The following INTS10 variants were observed in gnomAD, a reference collection of about 807,000 sequenced individuals.
INTS10 encodes the protein chromosome 8 open reading frame 35.
Under a neutral mutation model 94.4 loss-of-function variants are expected in INTS10, and 44 were observed. The ratio of observed to expected loss-of-function variants is 0.47; its 90% CI spans 0.37 to 0.60. The LOEUF (loss-of-function observed/expected upper bound fraction) is 0.60, where lower values mean the gene tolerates loss of function less well. INTS10 is among the 20% of genes least tolerant of loss of function. The pLI is 0.00. For synonymous variants in INTS10, 341 were observed against 320.7 expected (o/e 1.06, Z -0.68); for missense variants, 797 against 868.7 (o/e 0.92, Z 1.04).
At position 19,819,572 on chromosome 8, in the gene INTS10, G is replaced by GCTT. The variant is rs778738024; in HGVS notation, c.198-1_198insCTT (p.Met66delinsIleLeu). On this transcript the variant is annotated protein_altering_variant and splice_region_variant. Transcript: ENST00000397977. ...ATTTAATGTATTTATTTTAAAAATA[G>GCTT]GTTTGTGAATTTCCCAGACCAGCCG... is the stretch of plus-strand genomic sequence containing the variant. The GCTT allele has an allele frequency of 6.2e-7, 1 of 1,603,400 alleles. No individual in the cohort carries two copies. Among genetic ancestry groups the GCTT allele is most frequent in the South Asian group, 1.1e-5 (1 of 90,174 alleles).
chr8:19,838,025 A>G lies in INTS10; in HGVS notation c.1639+865A>G, dbSNP rs537649206. Among the ~76,000 whole-genome samples the G allele has an allele frequency of 9.2e-5, 14 of 152,218 alleles. 1 individual carries two copies. The highest frequency in any genetic ancestry group is 2.9e-5 in the Non-Finnish European group (2 of 68,036). The stretch of plus-strand genomic sequence containing the variant: ...GATGAAATGAAAAAGTTTCTTAAAC[A>G]CAATTTACCAAAATTGACACAAAAA... On this transcript the variant is annotated intron_variant, in intron 13 of 16. Transcript: ENST00000397977.
intron 10 of INTS10, 29 bp from the exon 11 acceptor site, chr8:19,831,999 G>C (rs1469697569): frequency 5.4e-6 from 7 of 1,293,996 alleles, no homozygotes; most frequent in Admixed American, 1.7e-5. Context: ...GCATATATTT[G>C]GTAAATTTGT....
intron 13 of INTS10, 87 bp from the exon 14 acceptor site, chr8:19,842,761 T>C (rs2068232624): frequency 2.6e-6 from 2 of 755,948 alleles, no homozygotes; most frequent in African/African-American, 3.6e-5. Context: ...TTGTTGTTGT[T>C]AATGAAAGCA....
intron 9 of INTS10, among the ~76,000 whole-genome samples, chr8:19,828,398 G>C (rs7017697): frequency 6.6e-6 from 1 of 151,938 alleles, no homozygotes; most frequent in Non-Finnish European, 1.5e-5. Flanking sequence ...GTCATAAATG[G>C]CTGGTGCTGG....
intron 10 of INTS10, 52 bp from the exon 11 acceptor site, chr8:19,831,976 C>T: frequency 9.7e-7 from 1 of 1,034,356 alleles, no homozygotes; most frequent in Non-Finnish European, 1.5e-6. Flanking sequence ...AGTTTGTTTT[C>T]TGCTTCTTTG....
chr8:19,834,889 C>G (rs945488657), intron 12 of INTS10, among the ~76,000 whole-genome samples: 2 of 152,062 alleles, frequency 1.3e-5, no homozygotes, highest in African/African-American at 2.4e-5. Context: ...CTGGTGAGGT[C>G]CTGCTTCCCG....
Position 19,830,455 on chromosome 8 carries a change from T to C in INTS10, c.1190T>C (p.Val397Ala), listed in dbSNP as rs2067142516. ...GCGAAAGGAAGAAATCGTCACATTG[T>C]AGTCAATAAAGCCGAACTTGCTAAC... ...CSAKGRNRHI[V>A]VNKAELANST... Residue 397 changes from valine (V) to alanine (A), a missense_variant, in exon 10 of 17, where the codon GTA becomes GCA. Val to Ala is a moderately conservative substitution (Grantham distance 64, BLOSUM62 0). Transcript: ENST00000397977. 6.2e-7 allele frequency: 1 copy of C among 1,614,000 alleles called. No individual in the cohort carries two copies. The highest frequency in any genetic ancestry group is 8.5e-7 in the Non-Finnish European group (1 of 1,179,982).
chr8:19,817,795 C>G, intron 1 of INTS10, 129 bp downstream of exon 1: 1 of 1,156,758 alleles, frequency 8.6e-7, no homozygotes, highest in Admixed American at 2.4e-5. Context: ...GCTTTCTCCC[C>G]TCCCACCCCC....
At chr8:19,822,643 C>T (rs377506731) in intron 5 of INTS10, 123 bp downstream of exon 5, 11 of 529,158 alleles carry the variant, frequency 2.1e-5, no homozygotes, top group East Asian at 1.0e-4. Flanking sequence ...CATTTAAGTT[C>T]TTTTTTTTTT....
At chr8:19,821,531 C>T (rs975273353) in intron 4 of INTS10, 5 of 152,252 alleles carry the variant, frequency 3.3e-5, no homozygotes, top group Non-Finnish European at 5.9e-5. Context: ...TCACTGCATC[C>T]TCTGCCTCCT....
At position 19,845,693 on chromosome 8, in the gene INTS10, C is replaced by A. The variant is rs1283191850; in HGVS notation, c.1883-11C>A. 2 of 1,601,992 alleles carry A rather than the reference C, an allele frequency of 1.2e-6. No homozygotes were observed. The highest frequency in any genetic ancestry group is 3.3e-5 in the Admixed American group (2 of 59,990). ...TTTTTTACATGTGGTTAACCTGAAT[C>A]TGGCCTGCAGATATTGATATGCTGG... On this transcript the variant is annotated splice_polypyrimidine_tract_variant and intron_variant, in intron 15 of 16. Transcript: ENST00000397977.
In INTS10 at chr8:19,846,019, T is replaced by C. The variant is rs918967250; in HGVS notation, c.1976+222T>C. ...TTAAATTGGGGTATTTTTGTCACAT[T>C]TGCAACTTTTTCACTAGACAAAAGT... On this transcript the variant is annotated intron_variant, in intron 16 of 16. Transcript: ENST00000397977. This position sits in a 1 kb window ranked among gnomAD's most constrained non-coding sequence, Gnocchi z 4.2. 2.2e-6 allele frequency: 1 copy of C among 445,526 alleles called. No individual in the cohort carries two copies. Among genetic ancestry groups the C allele is most frequent in the South Asian group, 3.5e-5 (1 of 28,692 alleles). The allele number at this position is 445,526 out of a possible 1,614,324, so 27.6% of individuals were successfully genotyped here. A position where few individuals can be genotyped will look rare whatever the true frequency, so the allele number is the denominator to read the frequency against.
chr8:19,835,849 C>T (rs1384557715), intron 12 of INTS10, among the ~76,000 whole-genome samples: 1 of 152,170 alleles, frequency 6.6e-6, no homozygotes, highest in Admixed American at 6.5e-5. Context: ...GCTGCCAACC[C>T]TGAGCAGCCA....
chr8:19,834,973 C>G (rs952143553), intron 12 of INTS10, among the ~76,000 whole-genome samples: 2 of 152,022 alleles, frequency 1.3e-5, no homozygotes, highest in Non-Finnish European at 2.9e-5. Flanking sequence ...GAGGGTTTTG[C>G]TCTCATCATC....
intron 7 of INTS10, 70 bp downstream of exon 7, chr8:19,824,114 T>C (rs2066607493): frequency 1.5e-6 from 2 of 1,357,488 alleles, no homozygotes; most frequent in Non-Finnish European, 2.0e-6. Flanking sequence ...AAATCATGCT[T>C]TTTAAATCTG....
In INTS10 at chr8:19,826,415, C is replaced by A. The variant is rs748019287; in HGVS notation, c.1007-11C>A. 1 of 1,602,024 alleles carries A rather than the reference C, an allele frequency of 6.2e-7. No homozygotes were observed. Among genetic ancestry groups the A allele is most frequent in the East Asian group, 2.2e-5 (1 of 44,454 alleles). ...GCACTGGTAAGTGTTGGTGTTTTTC[C>A]CCGTCCTTAGGTCCTAATGCCCCGA... On this transcript the variant is annotated splice_polypyrimidine_tract_variant and intron_variant, in intron 8 of 16. Transcript: ENST00000397977.
In INTS10 at chr8:19,844,109, G is replaced by C. The variant is rs770416689; in HGVS notation, c.1753G>C (p.Ala585Pro). Residue 585 changes from alanine to proline, a missense_variant, in exon 15 of 17, where the codon GCA becomes CCA. Around this residue, in one of 3 missense-constraint regions of INTS10, gnomAD observed 734 missense variants for 787.8 expected, o/e 0.93. Transcript: ENST00000397977. ...TTTCACAGACAACAGAGACGACATGGCATTGGGGCATGTGATTGTGTTGCT... is the reference window on the plus strand; with the variant it reads ...TTTCACAGACAACAGAGACGACATGCCATTGGGGCATGTGATTGTGTTGCT... ...RAFTDNRDDM[A>P]LGHVIVLLQQ... 1 of 1,613,220 alleles carries C rather than the reference G, an allele frequency of 6.2e-7. No homozygotes were observed. Among genetic ancestry groups the C allele is most frequent in the Non-Finnish European group, 8.5e-7 (1 of 1,179,504 alleles).
chr8:19,833,111 T>A (rs1474056783), intron 11 of INTS10, 58 bp from the exon 12 acceptor site: 3 of 1,436,756 alleles, frequency 2.1e-6, no homozygotes, highest in Admixed American at 5.0e-5. Flanking sequence ...CGGTATTTTT[T>A]AAATTTCTTT....
At chr8:19,826,717 G>A (rs946892387) in intron 9 of INTS10, among the ~76,000 whole-genome samples, 158 bp downstream of exon 9, 3 of 152,166 alleles carry the variant, frequency 2.0e-5, no homozygotes, top group African/African-American at 7.2e-5. Flanking sequence ...TCCACTGGAG[G>A]TGATTTGCCC....
Sources: allele counts gnomAD v4.1 joint callset (sites outside exome capture counted in the v4.1 genomes callset), GRCh38; gene constraint gnomAD v4.1.1; regional missense constraint gnomAD v4.1.1; non-coding constraint Gnocchi (gnomAD v3.1); transcripts MANE v1.5; gene names NCBI Gene and HGNC (gene_info 2026-07-23, HGNC 2026-07-21).